TBL1XR1: variants seen among roughly 807,000 people sequenced by gnomAD.
TBL1XR1 encodes the protein TBL1X/Y related 1.
In TBL1XR1, 5 loss-of-function variants were observed where a neutral mutation model predicts 66.9. The ratio of observed to expected loss-of-function variants is 0.07; its 90% confidence interval spans 0.04 to 0.16. The LOEUF is 0.16. TBL1XR1 is among the 10% of genes least tolerant of loss of function. The probability of loss-of-function intolerance (pLI) is 1.00; values close to 1 mark genes in which losing one functional copy is unlikely to be tolerated. For synonymous variants in TBL1XR1, 210 were observed against 206.0 expected, an observed-to-expected ratio of 1.02 and a Z score of -0.17; for missense variants, 238 against 623.2, an observed-to-expected ratio of 0.38 and a Z score of 6.58.
upstream of TBL1XR1, among the ~76,000 whole-genome samples, chr3:177,198,917 C>T (rs1737263989): frequency 6.6e-6 from 1 of 150,680 alleles, no homozygotes; most frequent in African/African-American, 2.4e-5. Context: ...CTACTCGTAA[C>T]TTGCACCAGT....
At chr3:177,057,755 T>G (rs1007571158) in intron 3 of TBL1XR1, among the ~76,000 whole-genome samples, 5 of 152,086 alleles carry the variant, frequency 3.3e-5, no homozygotes, top group African/African-American at 1.2e-4. Flanking sequence ...TCTTTCCAAG[T>G]GTAAGAGCAA....
At chr3:177,089,613 G>T (rs1186796520) in intron 2 of TBL1XR1, among the ~76,000 whole-genome samples, 2 of 152,156 alleles carry the variant, frequency 1.3e-5, no homozygotes, top group African/African-American at 4.8e-5. Flanking sequence ...CAAGGGTCTG[G>T]TTCCTCAAGA....
chr3:177,150,960 ATTCT>A (rs1196254584), intron 1 of TBL1XR1, among the ~76,000 whole-genome samples: 1 of 152,236 alleles, frequency 6.6e-6, no homozygotes, highest in Non-Finnish European at 1.5e-5. Context: ...AACTTAAAAC[ATTCT>A]TTCTTACAAA....
At chr3:177,033,775 T>G (rs1374232979) in intron 13 of TBL1XR1, among the ~76,000 whole-genome samples, 2 of 152,190 alleles carry the variant, frequency 1.3e-5, no homozygotes, top group South Asian at 4.1e-4. Context: ...TATTGTCCTT[T>G]GCAGTGACTT....
At chr3:177,131,519 T>A in intron 1 of TBL1XR1, 2 of 503,244 alleles carry the variant, frequency 4.0e-6, no homozygotes, top group Non-Finnish European at 5.1e-6. Context: ...TCTTTTTTTT[T>A]TTTTTTTTTG....
At chr3:177,026,192 T>G (rs1016234518) in intron 15 of TBL1XR1, among the ~76,000 whole-genome samples, 181 bp downstream of exon 15, 2 of 152,152 alleles carry the variant, frequency 1.3e-5, no homozygotes, top group East Asian at 3.9e-4. Context: ...ACAGCCTAAA[T>G]TTTGTTTACA....
chr3:177,105,693 T>C (rs1331834122), intron 1 of TBL1XR1, among the ~76,000 whole-genome samples: 1 of 152,174 alleles, frequency 6.6e-6, no homozygotes, highest in Non-Finnish European at 1.5e-5. Flanking sequence ...AACCTAACTA[T>C]GACGTGGTGA....
rs1222608396 is a variant in TBL1XR1 at position 177,022,860 on chromosome 3, C to T, written c.*2638G>A. ...TGTTGAGAACAGCAGCAAAAATAAACAATCGTATGCTCATGAAGAACCCAA... is the reference window on the plus strand; with the variant it reads ...TGTTGAGAACAGCAGCAAAAATAAATAATCGTATGCTCATGAAGAACCCAA... On this transcript the variant is annotated 3_prime_UTR_variant, in exon 16 of 16. Transcript: ENST00000457928. 6.6e-6 allele frequency: 1 copy of T among 152,320 alleles called. No individual in the cohort carries two copies. The highest frequency in any genetic ancestry group is 1.5e-5 in the Non-Finnish European group (1 of 67,892). 9.4% of individuals were successfully genotyped at this position (152,320 alleles called of 1,614,324 possible). A position where few individuals can be genotyped will look rare whatever the true frequency, so the allele number is the denominator to read the frequency against.
intron 1 of TBL1XR1, among the ~76,000 whole-genome samples, chr3:177,153,644 T>C (rs761506117): frequency 6.6e-6 from 1 of 152,010 alleles, no homozygotes; most frequent in Non-Finnish European, 1.5e-5. Context: ...TCCCAGCACT[T>C]TGGGAGGCCG....
Position 177,154,695 on chromosome 3 carries a change from G to A in TBL1XR1, c.-122+42426C>T, listed in dbSNP as rs1043560533. Among the ~76,000 whole-genome samples, 9 of 152,082 alleles carry A rather than the reference G, an allele frequency of 5.9e-5. No individual in the cohort carries two copies. The East Asian group carries it at 1.4e-3, about 23-fold the overall frequency. On this transcript the variant is annotated intron_variant, in intron 1 of 15. Coordinates refer to ENST00000457928, the MANE Select transcript of TBL1XR1 (RefSeq NM_024665.7). The stretch of plus-strand genomic sequence containing the variant: ...CAGGCATGAGCCACCGCGCCCGGCC[G>A]ACAGAACTTTTTAAAAAGAAATCAT...
intron 2 of TBL1XR1, among the ~76,000 whole-genome samples, chr3:177,097,748 G>A (rs926387417): frequency 1.3e-5 from 2 of 152,160 alleles, no homozygotes; most frequent in Non-Finnish European, 2.9e-5. Context: ...CTATTTCAGT[G>A]AAATTATGGA....
intron 5 of TBL1XR1, 88 bp downstream of exon 5, chr3:177,051,416 C>A (rs775998595): frequency 5.3e-5 from 67 of 1,252,674 alleles, no homozygotes; most frequent in Non-Finnish European, 7.3e-5. Flanking sequence ...ATCTATATAA[C>A]AAACCTGCAC....
At chr3:177,155,613 G>A (rs1320188640) in intron 1 of TBL1XR1, among the ~76,000 whole-genome samples, 1 of 152,152 alleles carries the variant, frequency 6.6e-6, no homozygotes, top group Non-Finnish European at 1.5e-5. Context: ...CTTTCAAAAG[G>A]AGAAAGATAG....
chr3:177,192,420 AAAGT>A (rs553048371), intron 1 of TBL1XR1, among the ~76,000 whole-genome samples: 9 of 151,960 alleles, frequency 5.9e-5, no homozygotes, highest in Middle Eastern at 3.4e-3. Flanking sequence ...AAAAAGAAAG[AAAGT>A]AAGTTGAAAA....
chr3:177,069,783 AAAAGGAAGGAAAGG>A (rs1312294107), intron 2 of TBL1XR1, among the ~76,000 whole-genome samples: 1 of 95,380 alleles, frequency 1.0e-5, no homozygotes, highest in African/African-American at 4.1e-5. Flanking sequence ...GAAAGGAAGG[AAAAGGAAGGAAAGG>A]AAGGAAGGAA....
intron 2 of TBL1XR1, among the ~76,000 whole-genome samples, chr3:177,067,547 T>C (rs571855399): frequency 3.3e-5 from 5 of 152,336 alleles, no homozygotes; most frequent in South Asian, 2.1e-4. Flanking sequence ...TATAAATTAT[T>C]GCTTTTAAAA....
intron 1 of TBL1XR1, among the ~76,000 whole-genome samples, chr3:177,109,879 G>C (rs1419974847): frequency 6.6e-6 from 1 of 152,150 alleles, no homozygotes; most frequent in African/African-American, 2.4e-5. Flanking sequence ...TACTCAGGAA[G>C]CTTCCTGTAT....
intron 1 of TBL1XR1, among the ~76,000 whole-genome samples, chr3:177,177,428 C>T (rs1300585548): frequency 8.6e-5 from 13 of 151,932 alleles, no homozygotes; most frequent in Non-Finnish European, 5.9e-5. Flanking sequence ...CCAGCCTAGG[C>T]GACAGAGCAA....
At chr3:177,058,615 G>GT (rs895222422) in intron 3 of TBL1XR1, among the ~76,000 whole-genome samples, 1 of 152,056 alleles carries the variant, frequency 6.6e-6, no homozygotes, top group African/African-American at 2.4e-5. Flanking sequence ...AATGTGTGTT[G>GT]TTTTTTTCTC....
Sources: gnomAD v4.1 joint callset for allele counts (sites outside exome capture counted in the v4.1 genomes callset) on GRCh38, gnomAD v4.1.1 for gene constraint, MANE v1.5 for transcripts, NCBI Gene and HGNC (gene_info 2026-07-23, HGNC 2026-07-21) for gene names.